Variants in RBPJL observed in about 807,000 individuals in gnomAD.
RBPJL encodes recombining binding protein suppressor of hairless-like protein.
RBPJL carries 50 observed loss-of-function variants against 57.6 expected under a neutral mutation model. The observed-to-expected ratio is 0.87, with a 90% CI of 0.69 to 1.10. RBPJL has a LOEUF of 1.10. Among genes scored for constraint, RBPJL ranks in the 50% least tolerant of loss-of-function variants. The pLI is 0.00. For missense variants in RBPJL, 684 were observed against 693.7 expected, an observed-to-expected ratio of 0.99 and a Z score of 0.16; for synonymous variants, 303 against 294.4, an observed-to-expected ratio of 1.03 and a Z score of -0.30.
In RBPJL at chr20:45,309,129, C is replaced by T. The variant is rs547383702; in HGVS notation, c.132-438C>T. 5.3e-5 allele frequency among the ~76,000 whole-genome samples: 8 copies of T among 152,058 alleles called. No homozygotes were observed. The South Asian group carries it at 1.5e-3, about 28-fold the overall frequency. On this transcript the variant is annotated intron_variant, in intron 2 of 11. Coordinates refer to ENST00000343694, the MANE Select transcript of RBPJL (RefSeq NM_014276.4). Reference sequence around the variant, plus strand: ...AAGGCTCTCCCTTCCCCTCCCTCCTCACCCCCCACCCTGCCTTCCCCAGGG... The same window carrying T: ...AAGGCTCTCCCTTCCCCTCCCTCCTTACCCCCCACCCTGCCTTCCCCAGGG...
intron 9 of RBPJL, among the ~76,000 whole-genome samples, chr20:45,315,456 C>A (rs1298578611): frequency 6.6e-6 from 1 of 151,864 alleles, no homozygotes; most frequent in African/African-American, 2.4e-5. Flanking sequence ...AATCAGCTAT[C>A]CCAGGCCGGG....
chr20:45,311,995 C>T lies in RBPJL; in HGVS notation c.444+41C>T, dbSNP rs559276493. 8 of 1,484,110 alleles carry T rather than the reference C, an allele frequency of 5.4e-6. No homozygotes were observed. In the East Asian group the frequency reaches 2.0e-4, roughly 36 times the overall value. The allele number at this position is 1,484,110 out of a possible 1,614,324, so 91.9% of individuals were successfully genotyped here. ...AAGGGGTCCGATTCCTGCTCCCATC[C>T]CTGCCTCTCCTGGGAAAGGAGGGCT... On this transcript the variant is annotated intron_variant, in intron 5 of 11. Coordinates refer to ENST00000343694, the MANE Select transcript of RBPJL (RefSeq NM_014276.4).
intron 3 of RBPJL, among the ~76,000 whole-genome samples, chr20:45,310,605 C>CAA (rs111414301): frequency 0.012 from 1,693 of 136,996 alleles, 27 homozygotes; most frequent in African/African-American, 0.039. Flanking sequence ...GACTCAGTCT[C>CAA]AAAAAAAAAA....
At position 45,312,331 on chromosome 20, in the gene RBPJL, C is replaced by A; in HGVS notation, c.555C>A (p.His185Gln). Reference sequence around the variant, plus strand: ...GGGGCCGGGAGCTGGGTACCTTCCACAGCCGCCTTATCAAGGTCATCTCGA... The same window carrying A: ...GGGGCCGGGAGCTGGGTACCTTCCAAAGCCGCCTTATCAAGGTCATCTCGA... ...LRGGRELGTF[H>Q]SRLIKVISKP... Residue 185 changes from histidine to glutamine, a missense_variant, in exon 6 of 12, where the codon CAC becomes CAA. Physicochemically the swap from His to Gln is conservative, Grantham distance 24 (BLOSUM62 0). Coordinates refer to ENST00000343694, the MANE Select transcript of RBPJL (RefSeq NM_014276.4). The A allele has an allele frequency of 6.2e-7, 1 of 1,614,204 alleles. No homozygotes were observed. Among genetic ancestry groups the A allele is most frequent in the Non-Finnish European group, 8.5e-7 (1 of 1,180,038 alleles).
Position 45,311,636 on chromosome 20 carries a change from G to A in RBPJL, c.305G>A (p.Arg102Lys), listed in dbSNP as rs931080219. The A allele has an allele frequency of 2.5e-6, 4 of 1,614,176 alleles. No homozygotes were observed. Among genetic ancestry groups the A allele is most frequent in the African/African-American group, 1.3e-5 (1 of 75,050 alleles). ...PCVYLSGPGW[R>K]VKPGQDQAHQ... ...GTCTACCTCTCGGGGCCTGGCTGGA[G>A]GGTGAAGCCAGGGCAGGATCAAGGT... Residue 102 changes from arginine (R) to lysine (K), a missense_variant, in exon 4 of 12, where the codon AGG becomes AAG. Transcript: ENST00000343694.
intron 3 of RBPJL, among the ~76,000 whole-genome samples, chr20:45,309,921 C>A (rs761834736): frequency 2.0e-5 from 3 of 152,204 alleles, no homozygotes; most frequent in African/African-American, 4.8e-5. Flanking sequence ...TTCACTCATT[C>A]TCCCATTGAT....
Position 45,316,761 on chromosome 20 carries a change from C to T in RBPJL, c.1356C>T (p.Pro452=), listed in dbSNP as rs558496482. The change falls in exon 12 of 12, where the codon CCC becomes CCT. Residue 452 remains proline, a synonymous_variant. Coordinates refer to ENST00000343694, the MANE Select transcript of RBPJL (RefSeq NM_014276.4). ...GCGACTGGCGCTGGCTGCGCGCTCC[C>T]ATCACAATCCCCATGAGCCTGGTGC... ...FCSDWRWLRA[P]ITIPMSLVRA... The T allele has an allele frequency of 5.0e-6, 8 of 1,613,802 alleles. No individual in the cohort carries two copies. The highest frequency in any genetic ancestry group is 1.3e-5 in the African/African-American group (1 of 75,018).
intron 6 of RBPJL, among the ~76,000 whole-genome samples, chr20:45,312,898 C>T (rs917066845): frequency 2.7e-4 from 40 of 150,046 alleles, no homozygotes; most frequent in Admixed American, 9.3e-4. Flanking sequence ...GTCCCAGCTA[C>T]GTGGGAGGCT....
chr20:45,312,004 C>G, intron 5 of RBPJL, 50 bp downstream of exon 5: 1 of 1,476,742 alleles, frequency 6.8e-7, no homozygotes, highest in Non-Finnish European at 9.3e-7. Flanking sequence ...CCCTGCCTCT[C>G]CTGGGAAAGG....
intron 9 of RBPJL, among the ~76,000 whole-genome samples, chr20:45,315,601 C>T (rs6032109): frequency 0.47 from 71,877 of 151,324 alleles, 17,536 homozygotes; most frequent in African/African-American, 0.52. Context: ...ATTATTTGGG[C>T]GTGGTGGCTG....
At position 45,317,824 on chromosome 20, in the gene RBPJL, A is replaced by C. The variant is rs1024465320; in HGVS notation, c.*865A>C. The C allele has an allele frequency of 6.6e-6, 1 of 152,302 alleles. No homozygotes were observed. The highest frequency in any genetic ancestry group is 2.4e-5 in the African/African-American group (1 of 41,444). The allele number at this position is 152,302 out of a possible 1,614,324, so 9.4% of individuals were successfully genotyped here. ...GCTGCATTAAAATCAATCCTATCCA[A>C]GGCAGAGTTTGGTCTGTATGAGCCA... On this transcript the variant is annotated 3_prime_UTR_variant, in exon 12 of 12. Coordinates refer to ENST00000343694, the MANE Select transcript of RBPJL (RefSeq NM_014276.4).
At chr20:45,314,825 G>A (rs1387237707) in intron 9 of RBPJL, among the ~76,000 whole-genome samples, 4 of 152,214 alleles carry the variant, frequency 2.6e-5, no homozygotes, top group Non-Finnish European at 5.9e-5. Flanking sequence ...GCTCATGCCT[G>A]TAATCCCAGC....
In RBPJL at chr20:45,311,822, T is replaced by G; in HGVS notation, c.329-17T>G. ...TCCTCCCGAGTCCTTGCAGAGCCAG[T>G]TCGCGTCCCTTTCCAGCTCACCAGG... On this transcript the variant is annotated splice_polypyrimidine_tract_variant and intron_variant, in intron 4 of 11. Transcript: ENST00000343694. 6.5e-7 allele frequency: 1 copy of G among 1,547,448 alleles called. No homozygotes were observed. The highest frequency in any genetic ancestry group is 8.8e-7 in the Non-Finnish European group (1 of 1,142,772).
intron 5 of RBPJL, 42 bp from the exon 6 acceptor site, chr20:45,312,179 G>A: frequency 6.2e-7 from 1 of 1,613,278 alleles, no homozygotes; most frequent in East Asian, 2.2e-5. Flanking sequence ...TCCGACGGGG[G>A]AGGGCTGGGA....
chr20:45,315,964 AAAG>A (rs1353560693), intron 9 of RBPJL: 2 of 398,450 alleles, frequency 5.0e-6, no homozygotes, highest in African/African-American at 4.2e-5. Flanking sequence ...AAGAAAAAAG[AAAG>A]AAGAAAGAAG....
chr20:45,309,516 C>T (rs761783508), intron 2 of RBPJL, 51 bp from the exon 3 acceptor site: 8 of 1,572,374 alleles, frequency 5.1e-6, no homozygotes, highest in Admixed American at 3.7e-5. Context: ...CCTGTGCCAC[C>T]TTGACCCTTC....
chr20:45,316,815 C>A lies in RBPJL; in HGVS notation c.1410C>A (p.Ala470=), dbSNP rs1278892538. ...CCGACGGGCTCTTCTACCCTAGTGC[C>A]TTCTCCTTCACCTACACCCCGGAAT... ...VRADGLFYPS[A]FSFTYTPEYS... is the part of the protein sequence containing the mutation. The change falls in exon 12 of 12, where the codon GCC becomes GCA. Residue 470 remains alanine, a synonymous_variant. Transcript: ENST00000343694. 3 of 1,613,946 alleles carry A rather than the reference C, an allele frequency of 1.9e-6. No individual in the cohort carries two copies. The highest frequency in any genetic ancestry group is 2.5e-6 in the Non-Finnish European group (3 of 1,179,856).
In RBPJL at chr20:45,314,459, A is replaced by G. The variant is rs753386447; in HGVS notation, c.914A>G (p.Glu305Gly). 1.2e-6 allele frequency: 2 copies of G among 1,614,186 alleles called. No individual in the cohort carries two copies. Among genetic ancestry groups the G allele is most frequent in the Admixed American group, 3.3e-5 (2 of 60,032 alleles). The change falls in exon 9 of 12, where the codon GAG (glutamate) becomes GGG (glycine). Residue 305 changes from glutamate to glycine, a missense_variant. Coordinates refer to ENST00000343694, the MANE Select transcript of RBPJL (RefSeq NM_014276.4). ...AKQCALLDVD[E>G]PISQLHKCAF... The stretch of plus-strand genomic sequence containing the variant: ...CAGTGTGCGCTCCTTGATGTGGATG[A>G]GCCCATCTCCCAGCTGCACAAGTGT...
At position 45,308,176 on chromosome 20, in the gene RBPJL, T is replaced by C; in HGVS notation, c.56T>C (p.Leu19Pro). 6.2e-7 allele frequency: 1 copy of C among 1,613,982 alleles called. No homozygotes were observed. The highest frequency in any genetic ancestry group is 8.5e-7 in the Non-Finnish European group (1 of 1,179,846). ...GTGCCTCCCAATCCTTTGACTCACC[T>C]GAGCCTGCAGGACAGATCAGAGATG... ...PSVPPNPLTH[L>P]SLQDRSEMQL... is the part of the protein sequence containing the mutation. The change falls in exon 2 of 12, where the codon CTG (leucine) becomes CCG (proline). Residue 19 changes from leucine to proline, a missense_variant. Leu to Pro is a moderately conservative substitution (Grantham distance 98). Coordinates refer to ENST00000343694, the MANE Select transcript of RBPJL (RefSeq NM_014276.4).
Sources: allele counts gnomAD v4.1 joint callset (sites outside exome capture counted in the v4.1 genomes callset), GRCh38; gene constraint gnomAD v4.1.1; transcripts MANE v1.5; gene names NCBI Gene and HGNC (gene_info 2026-07-23, HGNC 2026-07-21).